TBC1D5: variants seen among roughly 807,000 people sequenced by gnomAD.
TBC1D5 encodes the protein TBC1 domain family member 5, also known as TBC1 domain family, member 5.
TBC1D5 carries 75 observed loss-of-function variants against 100.3 expected under a neutral mutation model. The ratio of observed to expected loss-of-function variants is 0.75; its 90% confidence interval spans 0.62 to 0.91. The LOEUF is 0.91. Ranked by LOEUF, TBC1D5 falls within the 40% of genes least tolerant of loss-of-function variation. TBC1D5 has a pLI of 0.00. For synonymous variants in TBC1D5, 323 were observed against 325.6 expected (o/e 0.99, Z 0.09); for missense variants, 910 against 942.4 (o/e 0.97, Z 0.45).
intron 2 of TBC1D5, among the ~76,000 whole-genome samples, chr3:17,532,930 T>C (rs1255112328): frequency 6.6e-6 from 1 of 151,940 alleles, no homozygotes. Context: ...GGCACATGTA[T>C]ACATATGTAA....
At chr3:17,192,424 T>C (rs1420162303) in intron 18 of TBC1D5, among the ~76,000 whole-genome samples, 1 of 151,964 alleles carries the variant, frequency 6.6e-6, no homozygotes, top group Non-Finnish European at 1.5e-5. Context: ...TGGAGTAGTA[T>C]AGCATTCTTA....
intron 19 of TBC1D5, among the ~76,000 whole-genome samples, chr3:17,181,329 C>T (rs1413441147): frequency 2.0e-5 from 3 of 152,276 alleles, no homozygotes; most frequent in East Asian, 1.9e-4. Flanking sequence ...CTCAGCTCTA[C>T]GGCCATGGGC....
In TBC1D5 at chr3:17,260,676, T is replaced by G. The variant is rs559592253; in HGVS notation, c.1246-2085A>C. The stretch of plus-strand genomic sequence containing the variant: ...GGAAGACAGTGATGTTTCTAAAACA[T>G]AAATATACAGACATATAGATGGATC... On this transcript the variant is annotated intron_variant, in intron 15 of 21. Transcript: ENST00000253692. Among the ~76,000 whole-genome samples, 16 of 152,306 alleles carry G rather than the reference T, an allele frequency of 1.1e-4. No individual in the cohort carries two copies. In the South Asian group the frequency reaches 2.9e-3, roughly 28 times the overall value.
At chr3:17,635,228 T>C (rs890651371) in intron 1 of TBC1D5, among the ~76,000 whole-genome samples, 4 of 151,980 alleles carry the variant, frequency 2.6e-5, no homozygotes, top group African/African-American at 9.7e-5. Flanking sequence ...TTTTAGTATA[T>C]TGAGTTTGAG....
intron 2 of TBC1D5, among the ~76,000 whole-genome samples, chr3:17,571,910 A>G (rs2096629598): frequency 6.6e-6 from 1 of 152,026 alleles, no homozygotes; most frequent in Admixed American, 6.6e-5. Flanking sequence ...CTCTCCATAC[A>G]TCTTACAAGG....
intron 2 of TBC1D5, among the ~76,000 whole-genome samples, chr3:17,586,006 T>C (rs1576856244): frequency 6.6e-6 from 1 of 152,200 alleles, no homozygotes; most frequent in South Asian, 2.1e-4. Context: ...GGCCTATGGA[T>C]ACAAAAAGAT....
At chr3:17,643,642 A>C (rs977989495) in intron 1 of TBC1D5, among the ~76,000 whole-genome samples, 3 of 152,136 alleles carry the variant, frequency 2.0e-5, no homozygotes, top group Non-Finnish European at 2.9e-5. Flanking sequence ...TCAAAAAGTT[A>C]AATGCAAAAA....
chr3:17,326,883 C>T (rs1200392505), intron 13 of TBC1D5, among the ~76,000 whole-genome samples: 2 of 152,214 alleles, frequency 1.3e-5, no homozygotes, highest in African/African-American at 4.8e-5. Flanking sequence ...CCTCTAGTTG[C>T]TCAGGAGCCA....
intron 13 of TBC1D5, among the ~76,000 whole-genome samples, chr3:17,355,102 T>C (rs1478725070): frequency 6.6e-6 from 1 of 152,176 alleles, no homozygotes; most frequent in African/African-American, 2.4e-5. Flanking sequence ...ATCATTTCCC[T>C]TTCGTTGTTT....
intron 1 of TBC1D5, among the ~76,000 whole-genome samples, chr3:17,697,611 CA>C (rs2072340968): frequency 6.6e-6 from 1 of 152,170 alleles, no homozygotes; most frequent in African/African-American, 2.4e-5. Flanking sequence ...AAAGAGGATA[CA>C]AACAAATGGA....
At chr3:17,386,913 T>C (rs929793389) in intron 8 of TBC1D5, among the ~76,000 whole-genome samples, 5 of 152,268 alleles carry the variant, frequency 3.3e-5, no homozygotes, top group African/African-American at 1.2e-4. Flanking sequence ...AAGAATTCAA[T>C]TGCAAGTAGT....
chr3:17,652,356 G>A (rs1172798862), intron 1 of TBC1D5, among the ~76,000 whole-genome samples: 1 of 151,896 alleles, frequency 6.6e-6, no homozygotes, highest in Non-Finnish European at 1.5e-5. Flanking sequence ...ATAAAGGAAG[G>A]CTCAAAACTA....
chr3:17,722,334 A>G (rs2075776006), intron 1 of TBC1D5, among the ~76,000 whole-genome samples: 1 of 152,200 alleles, frequency 6.6e-6, no homozygotes, highest in Non-Finnish European at 1.5e-5. Flanking sequence ...CATATACATA[A>G]TGACATATCC....
chr3:17,416,596 A>G (rs537724759), intron 4 of TBC1D5, among the ~76,000 whole-genome samples: 1 of 152,348 alleles, frequency 6.6e-6, no homozygotes, highest in African/African-American at 2.4e-5. Context: ...AAGTCAACTT[A>G]ATTCCATAAG....
chr3:17,174,945 C>T (rs1013444542), intron 19 of TBC1D5, among the ~76,000 whole-genome samples: 1 of 152,104 alleles, frequency 6.6e-6, no homozygotes, highest in African/African-American at 2.4e-5. Flanking sequence ...CAATGTGAGG[C>T]AAGGGCTTTC....
exon 16 of TBC1D5, chr3:17,258,540 T>G: frequency 6.2e-7 from 1 of 1,612,960 alleles, no homozygotes. Context: ...CCTCGTGCTT[T>G]GTAATAATCT....
At chr3:17,617,355 T>C (rs2062260898) in intron 2 of TBC1D5, among the ~76,000 whole-genome samples, 2 of 152,228 alleles carry the variant, frequency 1.3e-5, no homozygotes, top group Non-Finnish European at 2.9e-5. Flanking sequence ...CTGACAATTA[T>C]ATGTCTTGGG....
intron 1 of TBC1D5, among the ~76,000 whole-genome samples, chr3:17,664,644 A>C (rs1039592574): frequency 6.6e-6 from 1 of 152,200 alleles, no homozygotes; most frequent in African/African-American, 2.4e-5. Flanking sequence ...CTTTCTTCTC[A>C]TCCCAAAAAT....
At chr3:17,296,146 T>G (rs2082231037) in intron 14 of TBC1D5, among the ~76,000 whole-genome samples, 1 of 152,244 alleles carries the variant, frequency 6.6e-6, no homozygotes. Context: ...GCATAAATTC[T>G]TGTTTCTAAA....
Sources: allele counts gnomAD v4.1 joint callset (sites outside exome capture counted in the v4.1 genomes callset), GRCh38; gene constraint gnomAD v4.1.1; transcripts MANE v1.5; gene names NCBI Gene and HGNC (gene_info 2026-07-23, HGNC 2026-07-21).